Variants in ANLN observed in about 807,000 individuals in gnomAD.
ANLN encodes the protein anillin.
Under a neutral mutation model 135.1 loss-of-function variants are expected in ANLN, and 59 were observed. The observed-to-expected ratio is 0.44, with a 90% CI of 0.35 to 0.54. The LOEUF (loss-of-function observed/expected upper bound fraction) is 0.54, where lower values mean the gene tolerates loss of function less well. Among genes scored for constraint, ANLN ranks in the 20% least tolerant of loss-of-function variants. The pLI is 0.00. For missense variants in ANLN, 1,182 were observed against 1,340.0 expected, an observed-to-expected ratio of 0.88 and a Z score of 1.84; for synonymous variants, 406 against 456.4, an observed-to-expected ratio of 0.89 and a Z score of 1.41.
chr7:36,443,451 G>A (rs1277223226), intron 21 of ANLN, among the ~76,000 whole-genome samples: 1 of 152,048 alleles, frequency 6.6e-6, no homozygotes, highest in Non-Finnish European at 1.5e-5. Context: ...CATTTCTGTT[G>A]TTTAAGGAGC....
In ANLN at chr7:36,439,112, T is replaced by C. The variant is rs906303839; in HGVS notation, c.2884-92T>C. On this transcript the variant is annotated intron_variant, in intron 20 of 23. Transcript: ENST00000265748. ...TAGAAAATGCTCTGTTTTCAAGTTG[T>C]AATAGTCTCTGTTCATGATTTATAC... 4.0e-5 allele frequency: 32 copies of C among 793,198 alleles called. No individual in the cohort carries two copies. In the East Asian group the frequency reaches 7.9e-4, roughly 20 times the overall value. 49.1% of individuals were successfully genotyped at this position (793,198 alleles called of 1,614,324 possible). A position where few individuals can be genotyped will look rare whatever the true frequency, so the allele number is the denominator to read the frequency against.
rs778648455 is a variant in ANLN at position 36,415,842 on chromosome 7, G to A, written c.1480G>A (p.Glu494Lys). 6.8e-6 allele frequency: 11 copies of A among 1,607,096 alleles called. No homozygotes were observed. Among genetic ancestry groups the A allele is most frequent in the East Asian group, 2.2e-5 (1 of 44,630 alleles). Residue 494 changes from glutamate (E) to lysine (K), a missense_variant, in exon 8 of 24, where the codon GAA becomes AAA. Physicochemically the swap from Glu to Lys is moderately conservative, Grantham distance 56. Around this residue, in one of 3 missense-constraint regions of ANLN, gnomAD observed 1,022 missense variants for 1,134.0 expected, o/e 0.90. Transcript: ENST00000265748. ...ACTTCCAGTAACAGAAAAGGTGACC[G>A]AAAACCAGATACCAGCCAAAAATTC... is the stretch of plus-strand genomic sequence containing the variant. ...QSLPVTEKVT[E>K]NQIPAKNSST...
At chr7:36,429,157 A>C (rs1471286983) in intron 20 of ANLN, among the ~76,000 whole-genome samples, 1 of 152,126 alleles carries the variant, frequency 6.6e-6, no homozygotes, top group Admixed American at 6.5e-5. Flanking sequence ...TTAATTTTGA[A>C]ATTATAATAC....
chr7:36,411,003 T>C lies in ANLN; in HGVS notation c.1288-56T>C, dbSNP rs1031968070. On this transcript the variant is annotated intron_variant, in intron 6 of 23. Coordinates refer to ENST00000265748, the MANE Select transcript of ANLN (RefSeq NM_018685.5). The stretch of plus-strand genomic sequence containing the variant: ...AAACAAGGAAAATTTTAGTAGTGTT[T>C]GGATGTTAAACATGCTACCGGCTCT... 19 of 1,476,172 alleles carry C rather than the reference T, an allele frequency of 1.3e-5. 1 individual carries two copies. In the Admixed American group the frequency reaches 2.4e-4, roughly 18 times the overall value. 91.4% of individuals were successfully genotyped at this position (1,476,172 alleles called of 1,614,324 possible).
intron 7 of ANLN, among the ~76,000 whole-genome samples, chr7:36,414,830 G>A (rs1281847915): frequency 6.6e-6 from 1 of 152,192 alleles, no homozygotes; most frequent in East Asian, 1.9e-4. Flanking sequence ...AAGAGTACCT[G>A]GGTTTGTATA....
At position 36,424,464 on chromosome 7, in the gene ANLN, G is replaced by A. The variant is rs547488568; in HGVS notation, c.2604-81G>A. 2.0e-5 allele frequency: 23 copies of A among 1,153,730 alleles called. No individual in the cohort carries two copies. In the South Asian group the frequency reaches 3.4e-4, roughly 17 times the overall value. 71.5% of individuals were successfully genotyped at this position (1,153,730 alleles called of 1,614,324 possible). On this transcript the variant is annotated intron_variant, in intron 15 of 23. Transcript: ENST00000265748. ...AGTGGATTCCTTTACTTAGAGTCTT[G>A]TAAGAGTATTTGTAGCATCATTTTT...
intron 20 of ANLN, among the ~76,000 whole-genome samples, chr7:36,431,593 GTGTGTA>G (rs1408682745): frequency 6.5e-4 from 13 of 20,142 alleles, no homozygotes; most frequent in African/African-American, 1.3e-3. Flanking sequence ...GTGTGTGTGT[GTGTGTA>G]TATATATATA....
At chr7:36,425,485 G>C (rs1407142043) in intron 17 of ANLN, among the ~76,000 whole-genome samples, 2 of 151,914 alleles carry the variant, frequency 1.3e-5, no homozygotes, top group African/African-American at 4.8e-5. Context: ...TAGCAGAGAG[G>C]GGGTTTCACC....
chr7:36,449,208 C>G (rs1393103934), intron 22 of ANLN: 1 of 152,326 alleles, frequency 6.6e-6, no homozygotes, highest in East Asian at 1.9e-4. Context: ...TGGCTGCCAA[C>G]AATCCAGGGC....
rs751116585 is a variant in ANLN at position 36,410,718 on chromosome 7, C to T, written c.1287+14C>T. 3.7e-6 allele frequency: 6 copies of T among 1,605,224 alleles called. No individual in the cohort carries two copies. The East Asian group carries it at 1.3e-4, about 36-fold the overall frequency. ...CAGCTCAAGCAGGTATGGTGTACTG[C>T]ATTTAACATTATTCATCACATGGTC... On this transcript the variant is annotated intron_variant, in intron 6 of 23. Transcript: ENST00000265748.
chr7:36,406,844 A>T (rs1344732475), intron 4 of ANLN, among the ~76,000 whole-genome samples: 1 of 152,202 alleles, frequency 6.6e-6, no homozygotes, highest in Non-Finnish European at 1.5e-5. Flanking sequence ...CTTCTTAGTC[A>T]TTAAGGAGAG....
At chr7:36,443,932 C>G in intron 22 of ANLN, 70 bp downstream of exon 22, 2 of 1,008,350 alleles carry the variant, frequency 2.0e-6, no homozygotes, top group Non-Finnish European at 1.5e-6. Context: ...TGCAAATGTT[C>G]CCTCTGGCCC....
intron 15 of ANLN, among the ~76,000 whole-genome samples, 162 bp from the exon 16 acceptor site, chr7:36,424,383 T>C (rs1199970708): frequency 6.6e-6 from 1 of 152,184 alleles, no homozygotes; most frequent in African/African-American, 2.4e-5. Flanking sequence ...TATTTTGGAC[T>C]TGCATTATAG....
rs191481486 is a variant in ANLN, at chr7:36,428,454, G to A, written c.2883+1426G>A. ...TATTTGTTTTACTAACTATCTTTTT[G>A]TTTACTTTGAATAATTAAGGACATT... On this transcript the variant is annotated intron_variant, in intron 20 of 23. Transcript: ENST00000265748. 642 of 638,932 alleles carry A rather than the reference G, an allele frequency of 1.0e-3. 3 individuals are homozygous for A. The highest frequency in any genetic ancestry group is 9.5e-3 in the African/African-American group (491 of 51,584). The allele number at this position is 638,932 out of a possible 1,614,324, so 39.6% of individuals were successfully genotyped here.
Position 36,389,889 on chromosome 7 carries a change from A to G in ANLN, c.-138A>G. The G allele has an allele frequency of 1.3e-6, 2 of 1,488,664 alleles. No individual in the cohort carries two copies. Among genetic ancestry groups the G allele is most frequent in the Non-Finnish European group, 1.9e-6 (2 of 1,076,172 alleles). 92.2% of individuals were successfully genotyped at this position (1,488,664 alleles called of 1,614,324 possible). A position where few individuals can be genotyped will look rare whatever the true frequency, so the allele number is the denominator to read the frequency against. ...GTCCGTCACTGGAAGCCGAGAGGAG[A>G]GGACAGCTGGTTGTGGGAGAGTTCC... On this transcript the variant is annotated 5_prime_UTR_variant, in exon 1 of 24. Coordinates refer to ENST00000265748, the MANE Select transcript of ANLN (RefSeq NM_018685.5).
intron 20 of ANLN, among the ~76,000 whole-genome samples, chr7:36,437,492 C>T (rs936268369): frequency 3.9e-5 from 6 of 152,154 alleles, no homozygotes; most frequent in South Asian, 2.1e-4. Flanking sequence ...CTGCAATGAA[C>T]GTGAGAGTGC....
chr7:36,411,160 C>G lies in ANLN; in HGVS notation c.1389C>G (p.Thr463=). ...ACTCAAAAAGCAAACAACTAGAAAC[C>G]AAACAGGTAATGTAAACAAGAAATA... ...GGNSKSKQLE[T]KQETHCQSTP... Residue 463 remains threonine, a synonymous_variant, in exon 7 of 24, where the codon ACC becomes ACG. Coordinates refer to ENST00000265748, the MANE Select transcript of ANLN (RefSeq NM_018685.5). 1 of 1,603,330 alleles carries G rather than the reference C, an allele frequency of 6.2e-7. No homozygotes were observed. The highest frequency in any genetic ancestry group is 8.5e-7 in the Non-Finnish European group (1 of 1,177,270).
chr7:36,436,872 A>G (rs1485322360), intron 20 of ANLN, among the ~76,000 whole-genome samples: 1 of 152,180 alleles, frequency 6.6e-6, no homozygotes, highest in Non-Finnish European at 1.5e-5. Flanking sequence ...TTTTCTTTGT[A>G]TATTCTGGAT....
At chr7:36,432,801 G>T (rs181585300) in intron 20 of ANLN, among the ~76,000 whole-genome samples, 1 of 151,838 alleles carries the variant, frequency 6.6e-6, no homozygotes, top group Admixed American at 6.6e-5. Context: ...TTTTTAAGGC[G>T]TTGGTAGGAA....
Sources: gnomAD v4.1 joint callset for allele counts (sites outside exome capture counted in the v4.1 genomes callset) on GRCh38, gnomAD v4.1.1 for gene constraint, gnomAD v4.1.1 regional missense constraint, MANE v1.5 for transcripts, NCBI Gene and HGNC (gene_info 2026-07-23, HGNC 2026-07-21) for gene names.